NRBP1: variants seen among roughly 807,000 people sequenced by gnomAD.
NRBP1 encodes nuclear receptor-binding protein.
Under a neutral mutation model 76.0 loss-of-function variants are expected in NRBP1, and 10 were observed. The observed-to-expected ratio is 0.13, with a 90% confidence interval of 0.08 to 0.22. The LOEUF (loss-of-function observed/expected upper bound fraction) is 0.22. Among genes scored for constraint, NRBP1 ranks in the 10% least tolerant of loss-of-function variants. The probability of loss-of-function intolerance (pLI) is 1.00; values close to 1 mark genes in which losing one functional copy is unlikely to be tolerated. For missense variants in NRBP1, 344 were observed against 646.0 expected, an observed-to-expected ratio of 0.53 and a Z score of 5.07; for synonymous variants, 235 against 240.2, an observed-to-expected ratio of 0.98 and a Z score of 0.20.
chr2:27,439,695 T>C, intron 10 of NRBP1, 71 bp from the exon 11 acceptor site: 1 of 1,576,604 alleles, frequency 6.3e-7, no homozygotes, highest in Non-Finnish European at 8.6e-7. Context: ...CTAAGTAGAA[T>C]GAGAGCTATA....
In NRBP1 at chr2:27,435,560, A is replaced by T. The variant is rs151337107; in HGVS notation, c.661+333A>T. On this transcript the variant is annotated intron_variant, in intron 7 of 17. Coordinates refer to ENST00000379852, the MANE Select transcript of NRBP1 (RefSeq NM_013392.4). The stretch of plus-strand genomic sequence containing the variant: ...GAGGTTCCAGGCTGTTCCTGCTGTG[A>T]GTGCTTTCGTTTGCTGTGTATTGTA... The T allele has an allele frequency of 1.9e-4, 123 of 659,164 alleles. 1 individual carries two copies. The African/African-American group carries it at 2.0e-3, about 11-fold the overall frequency. The allele number at this position is 659,164 out of a possible 1,614,324, so 40.8% of individuals were successfully genotyped here.
intron 10 of NRBP1, 106 bp from the exon 11 acceptor site, chr2:27,439,660 C>A: frequency 1.6e-6 from 2 of 1,283,152 alleles, no homozygotes; most frequent in Non-Finnish European, 2.1e-6. Context: ...AAGTGCTGAG[C>A]ACCTACTATG....
intron 7 of NRBP1, chr2:27,435,812 C>T: frequency 1.4e-6 from 1 of 717,424 alleles, no homozygotes; most frequent in South Asian, 1.5e-5. Flanking sequence ...GGCGGCTGCC[C>T]AGTGCATGCA....
At position 27,433,704 on chromosome 2, in the gene NRBP1, G is replaced by A; in HGVS notation, c.242G>A (p.Ser81Asn). Reference protein sequence around the residue: ...VNQRNVPGIDSAYLAMDTEEG... With the variant: ...VNQRNVPGIDNAYLAMDTEEG... Reference sequence around the variant, plus strand: ...CAACGGAATGTACCAGGTATTGACAGTGCATACCTGGCCATGGATACAGAG... The same window carrying A: ...CAACGGAATGTACCAGGTATTGACAATGCATACCTGGCCATGGATACAGAG... The change falls in exon 3 of 18, where the codon AGT (serine) becomes AAT (asparagine). Residue 81 changes from serine to asparagine, a missense_variant. This residue lies in a region of NRBP1 where 73 missense variants were observed against 287.8 expected (regional missense o/e 0.25). Transcript: ENST00000379852. The A allele has an allele frequency of 6.2e-7, 1 of 1,614,222 alleles. No individual in the cohort carries two copies. Among genetic ancestry groups the A allele is most frequent in the South Asian group, 1.1e-5 (1 of 91,084 alleles).
At position 27,433,361 on chromosome 2, in the gene NRBP1, G is replaced by T; in HGVS notation, c.88G>T (p.Val30Leu). Residue 30 changes from valine (V) to leucine (L), a missense_variant, in exon 2 of 18, where the codon GTG becomes TTG. Physicochemically the swap from Val to Leu is conservative, Grantham distance 32. Transcript: ENST00000379852. Reference protein sequence around the residue: ...SSSSAPGLTSVSPPVTSTTSA... With the variant: ...SSSSAPGLTSLSPPVTSTTSA... The stretch of plus-strand genomic sequence containing the variant: ...ATCTTCAGCTCCTGGCCTGACATCA[G>T]TGTCACCTCCTGTGACCTCCACAAC... 1 of 1,614,200 alleles carries T rather than the reference G, an allele frequency of 6.2e-7. No homozygotes were observed. Among genetic ancestry groups the T allele is most frequent in the African/African-American group, 1.3e-5 (1 of 75,060 alleles).
intron 5 of NRBP1, 51 bp downstream of exon 5, chr2:27,434,611 T>TA: frequency 4.4e-6 from 7 of 1,594,180 alleles, no homozygotes; most frequent in Non-Finnish European, 5.2e-6. Flanking sequence ...GGGGTGGTTT[T>TA]AAAAAGGACT....
rs758658460 is a variant in NRBP1, at chr2:27,440,981, TGGA to T, written c.1329+42_1329+44del. 23 of 1,612,172 alleles carry T rather than the reference TGGA, an allele frequency of 1.4e-5. No homozygotes were observed. The African/African-American group carries it at 2.7e-4, about 19-fold the overall frequency. Reference sequence around the variant, plus strand: ...GTGTGGATTGTCTCCATGGTTGTGGTGGAAGGGAGAGAGGACATCTCAAATAAG... The same window carrying T: ...GTGTGGATTGTCTCCATGGTTGTGGTAGGGAGAGAGGACATCTCAAATAAG... On this transcript the variant is annotated intron_variant, in intron 14 of 17. Coordinates refer to ENST00000379852, the MANE Select transcript of NRBP1 (RefSeq NM_013392.4).
intron 7 of NRBP1, chr2:27,435,642 T>C: frequency 1.4e-6 from 1 of 717,454 alleles, no homozygotes; most frequent in Middle Eastern, 2.3e-4. Flanking sequence ...TGTCCATTTG[T>C]CTGGGGCTTG....
At chr2:27,430,558 T>G (rs1348713193) in intron 1 of NRBP1, among the ~76,000 whole-genome samples, 1 of 147,486 alleles carries the variant, frequency 6.8e-6, no homozygotes, top group Non-Finnish European at 1.5e-5. Context: ...AACCTCCGCC[T>G]CCTGAGTTCA....
chr2:27,440,389 A>G lies in NRBP1; in HGVS notation c.1037-14A>G. 4 of 1,553,624 alleles carry G rather than the reference A, an allele frequency of 2.6e-6. No individual in the cohort carries two copies. The highest frequency in any genetic ancestry group is 1.1e-5 in the South Asian group (1 of 89,874). On this transcript the variant is annotated splice_polypyrimidine_tract_variant and intron_variant, in intron 11 of 17. Coordinates refer to ENST00000379852, the MANE Select transcript of NRBP1 (RefSeq NM_013392.4). ...CTATCCCTTCATAATATCCCACTCCATCATGCCCTCCAGACATGATCCCAG... is the reference window on the plus strand; with the variant it reads ...CTATCCCTTCATAATATCCCACTCCGTCATGCCCTCCAGACATGATCCCAG...
At chr2:27,430,919 TTTC>T (rs1307037641) in intron 1 of NRBP1, among the ~76,000 whole-genome samples, 1 of 152,264 alleles carries the variant, frequency 6.6e-6, no homozygotes, top group Non-Finnish European at 1.5e-5. Context: ...AATAATTCTT[TTTC>T]TTCAAGTACC....
At chr2:27,430,208 G>A (rs1161908944) in intron 1 of NRBP1, among the ~76,000 whole-genome samples, 1 of 152,104 alleles carries the variant, frequency 6.6e-6, no homozygotes, top group Non-Finnish European at 1.5e-5. Flanking sequence ...ATAACATAGG[G>A]AAAGAATATC....
intron 13 of NRBP1, 43 bp downstream of exon 13, chr2:27,440,745 G>T (rs773627256): frequency 6.2e-7 from 1 of 1,614,156 alleles, no homozygotes; most frequent in Admixed American, 1.7e-5. Context: ...GGAAGCAGGC[G>T]GGGTTGGGTA....
At chr2:27,437,501 T>C (rs1052565763) in intron 10 of NRBP1, 141 bp downstream of exon 10, 8 of 656,872 alleles carry the variant, frequency 1.2e-5, no homozygotes, top group Middle Eastern at 3.6e-4. Context: ...AAACATTTTC[T>C]TAGGAGGTGC....
chr2:27,433,650 CTT>C, intron 2 of NRBP1, 21 bp from the exon 3 acceptor site: 2 of 1,613,916 alleles, frequency 1.2e-6, no homozygotes, highest in East Asian at 2.2e-5. Flanking sequence ...GTTTAATTCT[CTT>C]TCATATGAAT....
chr2:27,433,518 A>G, intron 2 of NRBP1, 35 bp downstream of exon 2: 1 of 1,610,106 alleles, frequency 6.2e-7, no homozygotes, highest in Non-Finnish European at 8.5e-7. Context: ...TGGGTGAGTG[A>G]ATTCTGGAAA....
rs756295007 is a variant in NRBP1 at position 27,441,617 on chromosome 2, A to G, written c.1498A>G (p.Ser500Gly). The change falls in exon 17 of 18, where the codon AGT becomes GGT. Residue 500 changes from serine (S) to glycine (G), a missense_variant. Coordinates refer to ENST00000379852, the MANE Select transcript of NRBP1 (RefSeq NM_013392.4). ...TGAGCTGGTGCAGCTGGGCTTCATT[A>G]GTGAGGTGAGGTTTCTGCCTTCATC... is the stretch of plus-strand genomic sequence containing the variant. ...AAELVQLGFI[S>G]EADQSRLTSL... 2 of 1,614,062 alleles carry G rather than the reference A, an allele frequency of 1.2e-6. No individual in the cohort carries two copies. The highest frequency in any genetic ancestry group is 1.3e-5 in the African/African-American group (1 of 74,986).
intron 8 of NRBP1, 73 bp downstream of exon 8, chr2:27,436,909 C>A: frequency 6.8e-7 from 1 of 1,470,658 alleles, no homozygotes; most frequent in Non-Finnish European, 9.5e-7. Flanking sequence ...GGTACAGAGG[C>A]AATATAACTG....
Position 27,433,468 on chromosome 2 carries a change from G to A in NRBP1, c.195G>A (p.Gln65=). ...AAGAGTCGCCCTGTGGGCGCTGGCA[G>A]AAGAGGCGAGAAGAGGTAAGGTTAT... ...ILEESPCGRW[Q]KRREEVNQRN... Residue 65 remains glutamine, a synonymous_variant, in exon 2 of 18, where the codon CAG becomes CAA. Coordinates refer to ENST00000379852, the MANE Select transcript of NRBP1 (RefSeq NM_013392.4). 1 of 1,614,144 alleles carries A rather than the reference G, an allele frequency of 6.2e-7. No homozygotes were observed. Among genetic ancestry groups the A allele is most frequent in the Non-Finnish European group, 8.5e-7 (1 of 1,179,996 alleles).
Sources: allele counts gnomAD v4.1 joint callset (sites outside exome capture counted in the v4.1 genomes callset), GRCh38; gene constraint gnomAD v4.1.1; regional missense constraint gnomAD v4.1.1; transcripts MANE v1.5; gene names NCBI Gene and HGNC (gene_info 2026-07-23, HGNC 2026-07-21).